The following DYNC2H1 variants were observed in gnomAD, a reference collection of about 807,000 sequenced individuals.
The protein encoded by DYNC2H1 is dynein cytoplasmic 2 heavy chain 1.
DYNC2H1 carries 410 observed loss-of-function variants against 570.0 expected under a neutral mutation model. The observed-to-expected ratio is 0.72, with a 90% CI of 0.66 to 0.78. The LOEUF is 0.78. Ranked by LOEUF, DYNC2H1 falls within the 30% of genes least tolerant of loss-of-function variation. DYNC2H1 has a pLI of 0.00. For synonymous variants in DYNC2H1, 1,688 were observed against 1,677.6 expected (o/e 1.01, Z -0.15); for missense variants, 4,865 against 5,046.4 (o/e 0.96, Z 1.09).
chr11:103,381,091 G>A (rs576323089), intron 83 of DYNC2H1, among the ~76,000 whole-genome samples: 1 of 152,282 alleles, frequency 6.6e-6, no homozygotes, highest in East Asian at 1.9e-4. Flanking sequence ...AGGCAAAATT[G>A]ATGAAGATGT....
chr11:103,437,886 G>A (rs1164267460), intron 85 of DYNC2H1, among the ~76,000 whole-genome samples: 1 of 151,900 alleles, frequency 6.6e-6, no homozygotes, highest in Non-Finnish European at 1.5e-5. Context: ...TATATCAGTG[G>A]TACTATAATT....
chr11:103,411,040 A>G (rs1413261243), intron 84 of DYNC2H1, among the ~76,000 whole-genome samples: 3 of 152,092 alleles, frequency 2.0e-5, no homozygotes, highest in Non-Finnish European at 1.5e-5. Flanking sequence ...AAAGACCAGG[A>G]CCAAACCTAT....
intron 40 of DYNC2H1, among the ~76,000 whole-genome samples, chr11:103,182,395 A>ATTTGCAATAATG (rs1861891268): frequency 6.6e-6 from 1 of 151,678 alleles, no homozygotes; most frequent in Admixed American, 6.6e-5. Context: ...ATGGTGAGTT[A>ATTTGCAATAATG]TTTGCAATAA....
chr11:103,145,009 T>A lies in DYNC2H1; in HGVS notation c.2702+1614T>A, dbSNP rs984079256. The stretch of plus-strand genomic sequence containing the variant: ...GATTCCCCTGCCTCAGCCTCCTGAG[T>A]AGCTGGGACTACAGGCACGTGCCAC... On this transcript the variant is annotated intron_variant, in intron 18 of 88. Coordinates refer to ENST00000375735, the MANE Select transcript of DYNC2H1 (RefSeq NM_001377.3). The surrounding 1 kb of genome is among the most constrained non-coding windows in gnomAD (Gnocchi z 4.2). Among the ~76,000 whole-genome samples the A allele has an allele frequency of 1.4e-4, 22 of 151,974 alleles. No homozygotes were observed. Among genetic ancestry groups the A allele is most frequent in the African/African-American group, 5.3e-4 (22 of 41,358 alleles).
At chr11:103,225,664 A>G (rs1315930869) in intron 59 of DYNC2H1, among the ~76,000 whole-genome samples, 2 of 152,072 alleles carry the variant, frequency 1.3e-5, no homozygotes, top group South Asian at 2.1e-4. Flanking sequence ...GCCTTATAGT[A>G]TAGTTTGAGG....
At position 103,446,893 on chromosome 11, in the gene DYNC2H1, G is replaced by T. The variant is rs921850530; in HGVS notation, c.12457-8293G>T. ...ATAAATTATTATTAATAATTAAGAG[G>T]AGACCTATAAGTAGGTGGACATTAT... On this transcript the variant is annotated intron_variant, in intron 85 of 88. Coordinates refer to ENST00000375735, the MANE Select transcript of DYNC2H1 (RefSeq NM_001377.3). This position sits in a 1 kb window ranked among gnomAD's most constrained non-coding sequence, Gnocchi z 4.5. Among the ~76,000 whole-genome samples, 2 of 152,018 alleles carry T rather than the reference G, an allele frequency of 1.3e-5. No homozygotes were observed. The highest frequency in any genetic ancestry group is 4.8e-5 in the African/African-American group (2 of 41,412).
chr11:103,187,166 A>G (rs1420332260), intron 42 of DYNC2H1, among the ~76,000 whole-genome samples, 174 bp from the exon 43 acceptor site: 1 of 152,074 alleles, frequency 6.6e-6, no homozygotes, highest in Non-Finnish European at 1.5e-5. Context: ...TTTCTAGTCT[A>G]AAAGAAAGTT....
intron 84 of DYNC2H1, among the ~76,000 whole-genome samples, chr11:103,419,398 A>G (rs1433910066): frequency 1.3e-5 from 2 of 152,184 alleles, no homozygotes; most frequent in Non-Finnish European, 2.9e-5. Context: ...ACAACCAGTC[A>G]TTATCCCGCT....
At position 103,151,101 on chromosome 11, in the gene DYNC2H1, A is replaced by G. The variant is rs17301695; in HGVS notation, c.2947-1035A>G. ...AGGTAGACTAGGAAACTATTGTGAT[A>G]TGTTTTACAGGCTAACTGGAGTTCC... On this transcript the variant is annotated intron_variant, in intron 20 of 88. Transcript: ENST00000375735. The surrounding 1 kb of genome is among the most constrained non-coding windows in gnomAD (Gnocchi z 4.6). Among the ~76,000 whole-genome samples the G allele has an allele frequency of 0.016, 2,437 of 152,178 alleles. 31 individuals carry two copies. Among genetic ancestry groups the G allele is most frequent in the Non-Finnish European group, 0.025 (1,677 of 68,006 alleles).
At position 103,120,478 on chromosome 11, in the gene DYNC2H1, T is replaced by A. The variant is rs1195260101; in HGVS notation, c.1031T>A (p.Phe344Tyr). 12 of 1,611,888 alleles carry A rather than the reference T, an allele frequency of 7.4e-6. No homozygotes were observed. Among genetic ancestry groups the A allele is most frequent in the Non-Finnish European group, 1.0e-5 (12 of 1,178,994 alleles). ...GCTATTAGAACAATTCATGAGAAGTTTCTCTATTTTCTACCTGCCAGTGAA... is the reference window on the plus strand; with the variant it reads ...GCTATTAGAACAATTCATGAGAAGTATCTCTATTTTCTACCTGCCAGTGAA... ...VLAIRTIHEKFLYFLPASEEK... is the reference protein window; with the variant it reads ...VLAIRTIHEKYLYFLPASEEK... Residue 344 changes from phenylalanine to tyrosine, a missense_variant, in exon 7 of 89, where the codon TTT becomes TAT. Physicochemically the swap from Phe to Tyr is conservative, Grantham distance 22. Around this residue, in one of 5 missense-constraint regions of DYNC2H1, gnomAD observed 1,936 missense variants for 1,962.1 expected, o/e 0.99. Transcript: ENST00000375735.
chr11:103,186,420 G>T lies in DYNC2H1; in HGVS notation c.6812G>T (p.Gly2271Val). 6.2e-7 allele frequency: 1 copy of T among 1,612,768 alleles called. No homozygotes were observed. Among genetic ancestry groups the T allele is most frequent in the Non-Finnish European group, 8.5e-7 (1 of 1,179,176 alleles). ...PVIQTPDMQR[G>V]LDYFKPWLSS... ...ATTCAGACTCCTGACATGCAACGAG[G>T]TCTAGATTATTTCAAACCATGGTTA... Residue 2271 changes from glycine (G) to valine (V), a missense_variant, in exon 42 of 89, where the codon GGT (glycine) becomes GTT (valine). Coordinates refer to ENST00000375735, the MANE Select transcript of DYNC2H1 (RefSeq NM_001377.3). The surrounding 1 kb of genome is among the most constrained non-coding windows in gnomAD (Gnocchi z 4.5).
intron 82 of DYNC2H1, among the ~76,000 whole-genome samples, chr11:103,343,414 T>C (rs1009009203): frequency 2.6e-4 from 40 of 151,678 alleles, no homozygotes; most frequent in Admixed American, 2.4e-3. Context: ...ATAAGAATGA[T>C]TTCTAGTATA....
At chr11:103,263,386 A>G (rs1166131217) in intron 70 of DYNC2H1, among the ~76,000 whole-genome samples, 1 of 152,050 alleles carries the variant, frequency 6.6e-6, no homozygotes, top group Admixed American at 6.5e-5. Context: ...AGAACTCTCC[A>G]CTCCAAATCA....
chr11:103,425,881 A>G (rs1943652844), intron 84 of DYNC2H1, among the ~76,000 whole-genome samples: 1 of 151,970 alleles, frequency 6.6e-6, no homozygotes, highest in South Asian at 2.1e-4. Context: ...TTATATACAT[A>G]ATTCTAGAAA....
rs148916018 is a variant in DYNC2H1 at position 103,372,220 on chromosome 11, T to C, written c.12156+13861T>C. Among the ~76,000 whole-genome samples the C allele has an allele frequency of 3.8e-3, 579 of 151,784 alleles. 5 individuals carry two copies. Among genetic ancestry groups the C allele is most frequent in the African/African-American group, 0.013 (555 of 41,410 alleles). On this transcript the variant is annotated intron_variant, in intron 83 of 88. Transcript: ENST00000375735. ...AATTTTTGTATTTCTAGTTTGACCATGTTGTCTAGGCTGGTCTCGAACTCC... is the reference window on the plus strand; with the variant it reads ...AATTTTTGTATTTCTAGTTTGACCACGTTGTCTAGGCTGGTCTCGAACTCC...
At position 103,176,384 on chromosome 11, in the gene DYNC2H1, G is replaced by T; in HGVS notation, c.5824G>T (p.Ala1942Ser). The T allele has an allele frequency of 6.3e-7, 1 of 1,587,850 alleles. No homozygotes were observed. The highest frequency in any genetic ancestry group is 1.2e-5 in the South Asian group (1 of 84,744). The change falls in exon 37 of 89, where the codon GCA becomes TCA. Residue 1942 changes from alanine to serine, a missense_variant. Ala to Ser is a moderately conservative substitution (Grantham distance 99). Coordinates refer to ENST00000375735, the MANE Select transcript of DYNC2H1 (RefSeq NM_001377.3). ...KEVEYDELSAALKQVFEEANY... is the reference protein window; with the variant it reads ...KEVEYDELSASLKQVFEEANY... The stretch of plus-strand genomic sequence containing the variant: ...AGTGGAATATGATGAACTAAGTGCT[G>T]CATTAAAGCAGGTCTTTGAAGAGGC...
Position 103,239,642 on chromosome 11 carries a change from A to AGTGTGTGTGTGTGT in DYNC2H1, c.9819+3126_9819+3139dup, listed in dbSNP as rs140380392. 7.1e-6 allele frequency among the ~76,000 whole-genome samples: 1 copy of AGTGTGTGTGTGTGT among 140,014 alleles called. No individual in the cohort carries two copies. Among genetic ancestry groups the AGTGTGTGTGTGTGT allele is most frequent in the African/African-American group, 2.6e-5 (1 of 37,778 alleles). The allele number at this position is 140,014 out of a possible 152,430, so 91.9% of individuals were successfully genotyped here. ...CTCCTGTCTATACACTTCTCATAGG[A>AGTGTGTGTGTGTGT]GTGTGTGTGTGTGTGTGTGTGTGTG... On this transcript the variant is annotated intron_variant, in intron 63 of 88. Coordinates refer to ENST00000375735, the MANE Select transcript of DYNC2H1 (RefSeq NM_001377.3). The surrounding 1 kb of genome is among the most constrained non-coding windows in gnomAD (Gnocchi z 4.3).
rs1866072860 is a variant in DYNC2H1, at chr11:103,280,160, G to T, written c.10696-188G>T. ...AAAAATGTGATCACTTACTTACTCTGACCCCACCCCTGACTTGAAGTGTCT... is the reference window on the plus strand; with the variant it reads ...AAAAATGTGATCACTTACTTACTCTTACCCCACCCCTGACTTGAAGTGTCT... On this transcript the variant is annotated intron_variant, in intron 70 of 88. Coordinates refer to ENST00000375735, the MANE Select transcript of DYNC2H1 (RefSeq NM_001377.3). The surrounding 1 kb of genome is among the most constrained non-coding windows in gnomAD (Gnocchi z 4.7). 6.6e-6 allele frequency among the ~76,000 whole-genome samples: 1 copy of T among 152,028 alleles called. No homozygotes were observed. Among genetic ancestry groups the T allele is most frequent in the Non-Finnish European group, 1.5e-5 (1 of 67,980 alleles).
intron 10 of DYNC2H1, 56 bp downstream of exon 10, chr11:103,121,552 G>A (rs1858715173): frequency 1.3e-6 from 2 of 1,562,956 alleles, no homozygotes; most frequent in Non-Finnish European, 1.7e-6. Context: ...CTAAATTAAG[G>A]CATGTAGAAG....
Sources: gnomAD v4.1 joint callset for allele counts (sites outside exome capture counted in the v4.1 genomes callset) on GRCh38, gnomAD v4.1.1 for gene constraint, gnomAD v4.1.1 regional missense constraint, Gnocchi (gnomAD v3.1) non-coding constraint, MANE v1.5 for transcripts, NCBI Gene and HGNC (gene_info 2026-07-23, HGNC 2026-07-21) for gene names.